Variants in TCOF1 observed in about 807,000 individuals in gnomAD.
TCOF1 encodes the protein treacle protein.
TCOF1 carries 33 observed loss-of-function variants against 149.0 expected under a neutral mutation model. The ratio of observed to expected loss-of-function variants is 0.22; its 90% confidence interval spans 0.17 to 0.30. The LOEUF (loss-of-function observed/expected upper bound fraction) is 0.30. Ranked by LOEUF, TCOF1 falls within the 10% of genes least tolerant of loss-of-function variation. The pLI is 1.00. For missense variants in TCOF1, 1,728 were observed against 1,840.7 expected, an observed-to-expected ratio of 0.94 and a Z score of 1.12; for synonymous variants, 789 against 738.8, an observed-to-expected ratio of 1.07 and a Z score of -1.10.
In TCOF1 at chr5:150,378,892, T is replaced by C. The variant is rs1440134582; in HGVS notation, c.2341-13T>C. On this transcript the variant is annotated splice_polypyrimidine_tract_variant and intron_variant, in intron 14 of 26. Coordinates refer to ENST00000643257, the MANE Select transcript of TCOF1 (RefSeq NM_001371623.1). Reference sequence around the variant, plus strand: ...TCACCTTCTCCCTCCTTAATTCCCTTTTCTCCACTCAGGTGAAAACCTCAG... The same window carrying C: ...TCACCTTCTCCCTCCTTAATTCCCTCTTCTCCACTCAGGTGAAAACCTCAG... The C allele has an allele frequency of 1.9e-6, 3 of 1,613,884 alleles. No homozygotes were observed. The highest frequency in any genetic ancestry group is 2.5e-6 in the Non-Finnish European group (3 of 1,180,032).
intron 22 of TCOF1, 52 bp downstream of exon 22, chr5:150,392,842 A>G: frequency 6.3e-7 from 1 of 1,591,686 alleles, no homozygotes. Context: ...GTGGAGCCCC[A>G]GGCCAGGCTC....
intron 1 of TCOF1, among the ~76,000 whole-genome samples, chr5:150,360,912 T>A (rs1427065886): frequency 6.6e-6 from 1 of 151,958 alleles, no homozygotes; most frequent in African/African-American, 2.4e-5. Context: ...AATTTTTAAA[T>A]TTTTTTATAG....
chr5:150,363,574 TC>T (rs967787615), intron 2 of TCOF1, among the ~76,000 whole-genome samples: 11 of 152,216 alleles, frequency 7.2e-5, no homozygotes, highest in Non-Finnish European at 1.6e-4. Context: ...CCTGGGCCTT[TC>T]TGTGTAGGGG....
At chr5:150,375,678 C>G in intron 11 of TCOF1, 43 bp from the exon 12 acceptor site, 1 of 1,613,770 alleles carries the variant, frequency 6.2e-7, no homozygotes, top group Non-Finnish European at 8.5e-7. Context: ...CTGCACACAC[C>G]TACCCTGGGC....
At chr5:150,365,645 T>C (rs1182572468) in intron 3 of TCOF1, among the ~76,000 whole-genome samples, 19 of 152,126 alleles carry the variant, frequency 1.2e-4, no homozygotes, top group Admixed American at 1.2e-3. Context: ...GATTGGCTAT[T>C]TGGTATTAAT....
At chr5:150,374,846 T>C in intron 9 of TCOF1, 35 bp downstream of exon 9, 2 of 1,606,082 alleles carry the variant, frequency 1.2e-6, no homozygotes, top group Non-Finnish European at 1.7e-6. Context: ...AGTAGCCCCA[T>C]GCCTAAACCC....
intron 18 of TCOF1, 27 bp from the exon 19 acceptor site, chr5:150,389,860 A>T: frequency 6.2e-7 from 1 of 1,614,130 alleles, no homozygotes; most frequent in Non-Finnish European, 8.5e-7. Context: ...TTGTGCCCTG[A>T]TGTGCCCCCA....
chr5:150,366,639 C>CTTTTT (rs1204091560), intron 3 of TCOF1, among the ~76,000 whole-genome samples: 1 of 64,382 alleles, frequency 1.6e-5, no homozygotes, highest in Non-Finnish European at 2.9e-5. Flanking sequence ...CAACATTCTT[C>CTTTTT]TTTTTTTTTT....
rs928480127 is a variant in TCOF1 at position 150,366,640 on chromosome 5, T to C, written c.305-1204T>C. Among the ~76,000 whole-genome samples the C allele has an allele frequency of 9.0e-5, 4 of 44,436 alleles. 1 individual carries two copies. Among genetic ancestry groups the C allele is most frequent in the Non-Finnish European group, 1.8e-4 (4 of 21,918 alleles). The allele number at this position is 44,436 out of a possible 152,430, so 29.2% of individuals were successfully genotyped here. On this transcript the variant is annotated intron_variant, in intron 3 of 26. Coordinates refer to ENST00000643257, the MANE Select transcript of TCOF1 (RefSeq NM_001371623.1). The stretch of plus-strand genomic sequence containing the variant: ...GCCATTCATCTCAGCAACATTCTTC[T>C]TTTTTTTTTTTTTTTTTTTTTTTTT...
At chr5:150,380,133 A>C in intron 17 of TCOF1, 1 of 247,974 alleles carries the variant, frequency 4.0e-6, no homozygotes, top group Non-Finnish European at 8.0e-6. Flanking sequence ...AGGTAAGGAA[A>C]AGAAAGGAAG....
At position 150,391,535 on chromosome 5, in the gene TCOF1, C is replaced by A; in HGVS notation, c.3184-9C>A. The A allele has an allele frequency of 6.2e-7, 1 of 1,612,424 alleles. No homozygotes were observed. The highest frequency in any genetic ancestry group is 8.5e-7 in the Non-Finnish European group (1 of 1,178,488). On this transcript the variant is annotated splice_polypyrimidine_tract_variant and intron_variant, in intron 19 of 26. Transcript: ENST00000643257. ...TGTGAGTCTGAGGGCTACCTCTTGC[C>A]ACCCACAGGTGTCAAAGAAGAACCC...
intron 2 of TCOF1, among the ~76,000 whole-genome samples, chr5:150,363,282 T>C (rs1760584388): frequency 6.6e-6 from 1 of 152,180 alleles, no homozygotes; most frequent in Admixed American, 6.5e-5. Context: ...AGGAGAATCC[T>C]GACAAGTGGC....
rs1372413603 is a variant in TCOF1, at chr5:150,396,800, A to G, written c.4303A>G (p.Ser1435Gly). 6.2e-7 allele frequency: 1 copy of G among 1,609,784 alleles called. No individual in the cohort carries two copies. Among genetic ancestry groups the G allele is most frequent in the Admixed American group, 1.7e-5 (1 of 59,352 alleles). Residue 1435 changes from serine to glycine, a missense_variant, in exon 24 of 27, where the codon AGC (serine) becomes GGC (glycine). Physicochemically the swap from Ser to Gly is moderately conservative, Grantham distance 56. Around this residue, in one of 2 missense-constraint regions of TCOF1, gnomAD observed 1,696 missense variants for 1,765.4 expected, o/e 0.96. Coordinates refer to ENST00000643257, the MANE Select transcript of TCOF1 (RefSeq NM_001371623.1). ...GMGTVEGGDQ[S>G]NPKSKKEKKK... ...GGGGACGGTTGAAGGTGGAGATCAAAGCAACCCAAAGAGCAAGAAGGAGAA... is the reference window on the plus strand; with the variant it reads ...GGGGACGGTTGAAGGTGGAGATCAAGGCAACCCAAAGAGCAAGAAGGAGAA...
At chr5:150,357,966 G>T in intron 1 of TCOF1, 112 bp downstream of exon 1, 1 of 1,128,324 alleles carries the variant, frequency 8.9e-7, no homozygotes, top group South Asian at 1.5e-5. Flanking sequence ...GCCGGGTCCC[G>T]CAGTGCTCGA....
chr5:150,367,577 C>T, intron 3 of TCOF1: 2 of 472,272 alleles, frequency 4.2e-6, no homozygotes, highest in Non-Finnish European at 7.9e-6. Context: ...CCAGGGGCCT[C>T]CACGTCTCAT....
In TCOF1 at chr5:150,392,006, C is replaced by G. The variant is rs1258527303; in HGVS notation, c.3347C>G (p.Ser1116Cys). 1.2e-6 allele frequency: 2 copies of G among 1,614,122 alleles called. No individual in the cohort carries two copies. The highest frequency in any genetic ancestry group is 1.7e-6 in the Non-Finnish European group (2 of 1,180,054). Residue 1116 changes from serine to cysteine, a missense_variant, in exon 21 of 27, where the codon TCC becomes TGC. Ser to Cys is a moderately radical substitution (Grantham distance 112). Coordinates refer to ENST00000643257, the MANE Select transcript of TCOF1 (RefSeq NM_001371623.1). ...TLPATSPQST[S>C]VQAKGTNKLR... ...CCTGCAACAAGTCCCCAGAGCACCT[C>G]CGTCCAGGCCAAAGGGACCAACAAG...
At chr5:150,392,880 G>A in intron 22 of TCOF1, 90 bp downstream of exon 22, 1 of 1,478,086 alleles carries the variant, frequency 6.8e-7, no homozygotes, top group Non-Finnish European at 9.3e-7. Context: ...CAGGTCAGGG[G>A]TCTGGGTCCC....
rs755679110 is a variant in TCOF1 at position 150,368,862 on chromosome 5, G to A, written c.525G>A (p.Glu175=). ...ANTTLVSETE[E]EGSVPAFGAA... is the part of the protein sequence containing the mutation. ...CTACGTTGGTCTCAGAAACTGAGGA[G>A]GAGGGCAGCGTCCCGGCCTTTGGAG... Residue 175 remains glutamate, a synonymous_variant, in exon 5 of 27, where the codon GAG becomes GAA. Coordinates refer to ENST00000643257, the MANE Select transcript of TCOF1 (RefSeq NM_001371623.1). The A allele has an allele frequency of 4.8e-5, 77 of 1,613,836 alleles. No homozygotes were observed. The highest frequency in any genetic ancestry group is 5.0e-5 in the Admixed American group (3 of 60,008).
At chr5:150,392,926 G>A (rs1342078486) in intron 22 of TCOF1, 136 bp downstream of exon 22, 44 of 1,077,974 alleles carry the variant, frequency 4.1e-5, no homozygotes, top group Non-Finnish European at 5.6e-5. Flanking sequence ...GGTCCTGTCT[G>A]CAAGGCACCA....
Sources: gnomAD v4.1 joint callset for allele counts (sites outside exome capture counted in the v4.1 genomes callset) on GRCh38, gnomAD v4.1.1 for gene constraint, gnomAD v4.1.1 regional missense constraint, MANE v1.5 for transcripts, NCBI Gene and HGNC (gene_info 2026-07-23, HGNC 2026-07-21) for gene names.